Variants in MARCHF6 observed in about 807,000 individuals in gnomAD.
The protein encoded by MARCHF6 is E3 ubiquitin-protein ligase MARCHF6.
MARCHF6 carries 31 observed loss-of-function variants against 133.7 expected under a neutral mutation model. The ratio of observed to expected loss-of-function variants is 0.23; its 90% CI spans 0.17 to 0.31. The LOEUF (loss-of-function observed/expected upper bound fraction) is 0.31, where lower values mean the gene tolerates loss of function less well. Among genes scored for constraint, MARCHF6 ranks in the 10% least tolerant of loss-of-function variants. The pLI, the probability that MARCHF6 is intolerant of heterozygous loss-of-function variation, is 1.00. For missense variants in MARCHF6, 723 were observed against 1,121.6 expected (o/e 0.64, Z 5.08); for synonymous variants, 395 against 402.5 (o/e 0.98, Z 0.22).
At chr5:10,400,725 G>A (rs1215376742) in intron 10 of MARCHF6, 59 bp from the exon 11 acceptor site, 2 of 1,216,224 alleles carry the variant, frequency 1.6e-6, no homozygotes, top group East Asian at 4.7e-5. Context: ...GGGAATTGTA[G>A]TAGGAGTGTT....
intron 9 of MARCHF6, among the ~76,000 whole-genome samples, chr5:10,396,875 C>G (rs917224566): frequency 1.3e-5 from 2 of 152,108 alleles, no homozygotes; most frequent in African/African-American, 4.8e-5. Context: ...GTCAAGAAGG[C>G]AGATTGGACG....
chr5:10,405,037 T>G (rs934658565), intron 15 of MARCHF6, among the ~76,000 whole-genome samples: 1 of 152,120 alleles, frequency 6.6e-6, no homozygotes, highest in Non-Finnish European at 1.5e-5. Context: ...TGTAACCCCT[T>G]GTTTAGGAGA....
rs1385518901 is a variant in MARCHF6 at position 10,436,946 on chromosome 5, C to G, written c.*3262C>G. On this transcript the variant is annotated 3_prime_UTR_variant, in exon 26 of 26. Transcript: ENST00000274140. ...TCTTGTGTATTTTCTTTCCCTTATT[C>G]AAGTAATATAGAATAACTTTCCTTA... The G allele has an allele frequency of 1.3e-5, 2 of 152,194 alleles. No individual in the cohort carries two copies. Among genetic ancestry groups the G allele is most frequent in the South Asian group, 2.1e-4 (1 of 4,830 alleles). 9.4% of individuals were successfully genotyped at this position (152,194 alleles called of 1,614,324 possible).
At chr5:10,354,079 C>T (rs1735281004) in intron 1 of MARCHF6, 162 bp downstream of exon 1, 3 of 572,198 alleles carry the variant, frequency 5.2e-6, no homozygotes, top group African/African-American at 4.0e-5. Context: ...CGGAAGGTGA[C>T]CCTCTGCGCG....
At chr5:10,418,843 T>G (rs1215029654) in intron 22 of MARCHF6, among the ~76,000 whole-genome samples, 2 of 152,080 alleles carry the variant, frequency 1.3e-5, no homozygotes, top group East Asian at 1.9e-4. Flanking sequence ...TACACAGGTG[T>G]TGTGTGGTGT....
At chr5:10,363,331 C>G (rs1015627242) in intron 1 of MARCHF6, among the ~76,000 whole-genome samples, 25 of 152,282 alleles carry the variant, frequency 1.6e-4, no homozygotes, top group African/African-American at 5.5e-4. Flanking sequence ...AACAATAACT[C>G]AGTTTTTAAA....
At chr5:10,360,883 G>T (rs1416262990) in intron 1 of MARCHF6, among the ~76,000 whole-genome samples, 1 of 152,160 alleles carries the variant, frequency 6.6e-6, no homozygotes, top group Non-Finnish European at 1.5e-5. Flanking sequence ...GATTATTGCT[G>T]GGCTATCCTC....
At chr5:10,380,610 C>G (rs1419064726) in intron 3 of MARCHF6, among the ~76,000 whole-genome samples, 1 of 152,092 alleles carries the variant, frequency 6.6e-6, no homozygotes, top group Non-Finnish European at 1.5e-5. Flanking sequence ...AGTCAATGAT[C>G]TGTGGGCATG....
intron 14 of MARCHF6, 60 bp from the exon 15 acceptor site, chr5:10,403,347 A>T: frequency 2.6e-6 from 4 of 1,527,938 alleles, no homozygotes; most frequent in Non-Finnish European, 3.5e-6. Context: ...GAAGATGAAA[A>T]TGTTAACTTG....
intron 22 of MARCHF6, among the ~76,000 whole-genome samples, chr5:10,422,786 A>G (rs755406805): frequency 6.7e-6 from 1 of 148,314 alleles, no homozygotes; most frequent in Non-Finnish European, 1.5e-5. Context: ...AGCAAAGTCC[A>G]TATGAAAATG....
At chr5:10,375,407 G>C (rs1051653051) in intron 1 of MARCHF6, among the ~76,000 whole-genome samples, 1 of 152,236 alleles carries the variant, frequency 6.6e-6, no homozygotes, top group Non-Finnish European at 1.5e-5. Context: ...GGCAGGGCTC[G>C]GGACCTGCAG....
At chr5:10,426,331 A>G (rs1206726742) in intron 23 of MARCHF6, 59 bp from the exon 24 acceptor site, 2 of 1,582,248 alleles carry the variant, frequency 1.3e-6, no homozygotes, top group African/African-American at 1.3e-5. Context: ...AGATTGCTGT[A>G]TTAACTTGGA....
intron 22 of MARCHF6, among the ~76,000 whole-genome samples, chr5:10,422,237 GA>G (rs2126326409): frequency 6.6e-6 from 1 of 152,280 alleles, no homozygotes; most frequent in East Asian, 1.9e-4. Flanking sequence ...AGGAAATTGA[GA>G]AAGAGAAATG....
At chr5:10,382,551 G>C (rs1315222903) in intron 4 of MARCHF6, among the ~76,000 whole-genome samples, 1 of 151,906 alleles carries the variant, frequency 6.6e-6, no homozygotes, top group Non-Finnish European at 1.5e-5. Flanking sequence ...CACATGGCCA[G>C]GCGTGGTGAC....
chr5:10,414,389 G>A, intron 19 of MARCHF6, 44 bp from the exon 20 acceptor site: 1 of 1,046,650 alleles, frequency 9.6e-7, no homozygotes, highest in Non-Finnish European at 1.5e-6. Context: ...AATACATTGA[G>A]CACGTGTTCT....
chr5:10,386,930 T>G lies in MARCHF6; in HGVS notation c.335-64T>G, dbSNP rs973408015. ...GCGTTCCACTTTACCTCTGCTTTCTTGAGCAGCTATGTGAATTCATGATGC... is the reference window on the plus strand; with the variant it reads ...GCGTTCCACTTTACCTCTGCTTTCTGGAGCAGCTATGTGAATTCATGATGC... On this transcript the variant is annotated intron_variant, in intron 4 of 25. Transcript: ENST00000274140. 4 of 1,232,518 alleles carry G rather than the reference T, an allele frequency of 3.2e-6. No individual in the cohort carries two copies. In the African/African-American group the frequency reaches 5.9e-5, roughly 18 times the overall value. 76.3% of individuals were successfully genotyped at this position (1,232,518 alleles called of 1,614,324 possible).
At chr5:10,374,692 T>C (rs1736668312) in intron 1 of MARCHF6, among the ~76,000 whole-genome samples, 1 of 152,074 alleles carries the variant, frequency 6.6e-6, no homozygotes, top group Non-Finnish European at 1.5e-5. Context: ...AAGTGGGAAG[T>C]TTAAAGATGT....
At chr5:10,399,995 T>C (rs1406807765) in intron 10 of MARCHF6, among the ~76,000 whole-genome samples, 1 of 152,152 alleles carries the variant, frequency 6.6e-6, no homozygotes, top group African/African-American at 2.4e-5. Context: ...CCTTATTAGA[T>C]TCAGGTTGAA....
At position 10,414,463 on chromosome 5, in the gene MARCHF6, A is replaced by G. The variant is rs777658302; in HGVS notation, c.1927A>G (p.Thr643Ala). 2.5e-6 allele frequency: 4 copies of G among 1,613,688 alleles called. No individual in the cohort carries two copies. Among genetic ancestry groups the G allele is most frequent in the Non-Finnish European group, 1.7e-6 (2 of 1,179,740 alleles). The change falls in exon 20 of 26, where the codon ACA becomes GCA. Residue 643 changes from threonine to alanine, a missense_variant. Transcript: ENST00000274140. ...IFLLIVFMCI[T>A]LLIASLICLT... is the part of the protein sequence containing the mutation. Reference sequence around the variant, plus strand: ...TCTGTTGATTGTCTTCATGTGTATAACATTACTGATTGCCAGCCTCATCTG... The same window carrying G: ...TCTGTTGATTGTCTTCATGTGTATAGCATTACTGATTGCCAGCCTCATCTG...
Sources: allele counts gnomAD v4.1 joint callset (sites outside exome capture counted in the v4.1 genomes callset), GRCh38; gene constraint gnomAD v4.1.1; transcripts MANE v1.5; gene names NCBI Gene and HGNC (gene_info 2026-07-23, HGNC 2026-07-21).